The following HOOK2 variants were observed in gnomAD, a reference collection of about 807,000 sequenced individuals.
The protein encoded by HOOK2 is hook microtubule tethering protein 2.
In HOOK2, 108 loss-of-function variants were observed where a neutral mutation model predicts 111.9. The observed-to-expected ratio is 0.96, with a 90% CI of 0.83 to 1.13. The LOEUF (loss-of-function observed/expected upper bound fraction) is 1.13, where lower values mean the gene tolerates loss of function less well. HOOK2 is among the 50% of genes most tolerant of loss of function. HOOK2 has a pLI of 0.00. For synonymous variants in HOOK2, 405 were observed against 394.3 expected (o/e 1.03, Z -0.32); for missense variants, 978 against 951.3 (o/e 1.03, Z -0.37).
At position 12,767,379 on chromosome 19, in the gene HOOK2, A is replaced by G. The variant is rs1244945938; in HGVS notation, c.1373+16T>C. 1.2e-6 allele frequency: 2 copies of G among 1,610,470 alleles called. No homozygotes were observed. Among genetic ancestry groups the G allele is most frequent in the Non-Finnish European group, 1.7e-6 (2 of 1,176,814 alleles). ...AAGCCTGGGTGGGGCCAGAGTTTTGAGTGACCCCAGGATACCTGAGCTCCG... is the reference window on the plus strand; with the variant it reads ...AAGCCTGGGTGGGGCCAGAGTTTTGGGTGACCCCAGGATACCTGAGCTCCG... On this transcript the variant is annotated intron_variant, in intron 14 of 22. Coordinates refer to ENST00000397668, the MANE Select transcript of HOOK2 (RefSeq NM_013312.3).
In HOOK2 at chr19:12,770,006, G is replaced by A; in HGVS notation, c.979C>T (p.Leu327=). 6.5e-7 allele frequency: 1 copy of A among 1,542,576 alleles called. No individual in the cohort carries two copies. Residue 327 remains leucine, a synonymous_variant, in exon 11 of 23, where the codon CTG becomes TTG. Transcript: ENST00000397668. ...CRRRLGELRE[L]RRQVRQLEER... ...TCCAGCTGCCGCACCTGCCGCCGCA[G>A]CTCCCTCAGCTCGCCCAAGCGGCGC...
rs550758472 is a variant in HOOK2, at chr19:12,771,111, C to T, written c.762-39G>A. 6.8e-6 allele frequency: 11 copies of T among 1,611,278 alleles called. No homozygotes were observed. In the East Asian group the frequency reaches 2.2e-4, roughly 33 times the overall value. On this transcript the variant is annotated intron_variant, in intron 9 of 22. Transcript: ENST00000397668. ...GGGAAGAGCACATGAGGGGGCTGCC[C>T]TCCCCCGGTCCCCTGGCTTGCCTGG...
Position 12,771,344 on chromosome 19 carries a change from C to T in HOOK2, c.601-25G>A, listed in dbSNP as rs1032969391. ...GCTGCGGGCAGGGCAGAAAGATGAG[C>T]TTGGGCTTGGAGAGGGGCTACTCAA... On this transcript the variant is annotated intron_variant, in intron 8 of 22. Transcript: ENST00000397668. 2.5e-6 allele frequency: 4 copies of T among 1,606,470 alleles called. No individual in the cohort carries two copies. The Admixed American group carries it at 5.1e-5, about 20-fold the overall frequency.
chr19:12,771,148 G>C lies in HOOK2; in HGVS notation c.761+11C>G. 1 of 1,613,358 alleles carries C rather than the reference G, an allele frequency of 6.2e-7. No homozygotes were observed. Among genetic ancestry groups the C allele is most frequent in the Admixed American group, 1.7e-5 (1 of 59,896 alleles). On this transcript the variant is annotated intron_variant, in intron 9 of 22. Coordinates refer to ENST00000397668, the MANE Select transcript of HOOK2 (RefSeq NM_013312.3). Reference sequence around the variant, plus strand: ...CCTGGCTTGCCTGGCCCAGTCCCCAGCTGACCACACCTGAAGTTCTCCTCC... The same window carrying C: ...CCTGGCTTGCCTGGCCCAGTCCCCACCTGACCACACCTGAAGTTCTCCTCC...
Position 12,765,811 on chromosome 19 carries a change from T to C in HOOK2, c.1605+18A>G, listed in dbSNP as rs779424509. On this transcript the variant is annotated intron_variant, in intron 17 of 22. Transcript: ENST00000397668. The stretch of plus-strand genomic sequence containing the variant: ...AGGGTGAGGGTAGGGGGTGCCATCC[T>C]GGGCCCATGGTACTTACAATGGCCT... 4 of 1,613,488 alleles carry C rather than the reference T, an allele frequency of 2.5e-6. 1 individual carries two copies. In the East Asian group the frequency reaches 6.7e-5, roughly 27 times the overall value.
Position 12,763,580 on chromosome 19 carries a change from C to G in HOOK2, c.1958G>C (p.Arg653Pro). 1 of 1,614,228 alleles carries G rather than the reference C, an allele frequency of 6.2e-7. No homozygotes were observed. Among genetic ancestry groups the G allele is most frequent in the Non-Finnish European group, 8.5e-7 (1 of 1,180,040 alleles). ...CTTTTCTTCCTGCTCCCGCTGACTTCGGCTTTTCTCAAAGTCCATCTGTCA... is the reference window on the plus strand; with the variant it reads ...CTTTTCTTCCTGCTCCCGCTGACTTGGGCTTTTCTCAAAGTCCATCTGTCA... ...RHLEMDFEKS[R>P]SQREQEEKLL... Residue 653 changes from arginine (R) to proline (P), a missense_variant, in exon 22 of 23, where the codon CGA (arginine) becomes CCA (proline). By Grantham distance (103) the Arg-to-Pro change is moderately radical (BLOSUM62 -2). Around this residue, in one of 5 missense-constraint regions of HOOK2, gnomAD observed 277 missense variants for 265.8 expected, o/e 1.04. Coordinates refer to ENST00000397668, the MANE Select transcript of HOOK2 (RefSeq NM_013312.3).
chr19:12,765,944 C>T lies in HOOK2; in HGVS notation c.1582G>A (p.Gly528Arg), dbSNP rs868014151. The change falls in exon 16 of 23, where the codon GGG becomes AGG. Residue 528 changes from glycine to arginine, a missense_variant. By Grantham distance (125) the Gly-to-Arg change is moderately radical. Transcript: ENST00000397668. ...EDLQKALQEQGGKTEDAISIL... is the reference protein window; with the variant it reads ...EDLQKALQEQRGKTEDAISIL... ...ACACTCACATCTTCAGTCTTGCCCC[C>T]CTGCTCCTGCAGGGCTTTCTGCAGG... 6.2e-7 allele frequency: 1 copy of T among 1,614,094 alleles called. No homozygotes were observed. The highest frequency in any genetic ancestry group is 2.2e-5 in the East Asian group (1 of 44,880).
upstream of HOOK2, among the ~76,000 whole-genome samples, chr19:12,781,519 G>T (rs1968601819): frequency 6.6e-6 from 1 of 151,672 alleles, no homozygotes; most frequent in African/African-American, 2.4e-5. Context: ...GTAGAGACGG[G>T]GTTTCAGTGT....
At chr19:12,785,417 C>T (rs1184403212) in intron 3 of HOOK2, among the ~76,000 whole-genome samples, 9 of 151,668 alleles carry the variant, frequency 5.9e-5, no homozygotes, top group Non-Finnish European at 1.0e-4. Flanking sequence ...AGCCACAGAC[C>T]TCTTTTACAC....
chr19:12,775,124 G>T, intron 1 of HOOK2: 1 of 934,486 alleles, frequency 1.1e-6, no homozygotes, highest in Non-Finnish European at 1.3e-6. Context: ...GGGTGGTATC[G>T]CGAGTCACCT....
Position 12,767,876 on chromosome 19 carries a change from G to T in HOOK2, c.1243C>A (p.Arg415=). Residue 415 remains arginine, a synonymous_variant, in exon 13 of 23, where the codon CGG becomes AGG. Coordinates refer to ENST00000397668, the MANE Select transcript of HOOK2 (RefSeq NM_013312.3). ...ERLLAERDSL[R]EANEELRCAQ... ...CAGCGCAGCTCCTCATTGGCCTCCC[G>T]CAAGGAGTCCCGCTCCGCCAACAGC... 4 of 1,608,784 alleles carry T rather than the reference G, an allele frequency of 2.5e-6. No homozygotes were observed. The highest frequency in any genetic ancestry group is 2.5e-6 in the Non-Finnish European group (3 of 1,179,808).
chr19:12,772,262 G>C lies in HOOK2; in HGVS notation c.457-10C>G, dbSNP rs990308906. 2.5e-6 allele frequency: 4 copies of C among 1,613,484 alleles called. No individual in the cohort carries two copies. In the African/African-American group the frequency reaches 4.0e-5, roughly 16 times the overall value. On this transcript the variant is annotated splice_polypyrimidine_tract_variant and intron_variant, in intron 6 of 22. Coordinates refer to ENST00000397668, the MANE Select transcript of HOOK2 (RefSeq NM_013312.3). ...TGTCTTTGGTCATGAGCTGAGGAGTGGGAAGGGGCATTGTAATGAACTGGA... is the reference window on the plus strand; with the variant it reads ...TGTCTTTGGTCATGAGCTGAGGAGTCGGAAGGGGCATTGTAATGAACTGGA...
In HOOK2 at chr19:12,772,686, G is replaced by A. The variant is rs1968371078; in HGVS notation, c.389-6C>T. ...CATGATTCTCTGGATGTGGTCTGGG[G>A]ATCAAGGTGGGGGAGGCTGAGACCC... On this transcript the variant is annotated splice_polypyrimidine_tract_variant and splice_region_variant and intron_variant, in intron 5 of 22. Transcript: ENST00000397668. The A allele has an allele frequency of 1.9e-6, 3 of 1,614,098 alleles. No homozygotes were observed. Among genetic ancestry groups the A allele is most frequent in the Admixed American group, 1.7e-5 (1 of 60,012 alleles).
At position 12,763,598 on chromosome 19, in the gene HOOK2, A is replaced by T. The variant is rs763804090; in HGVS notation, c.1940T>A (p.Met647Lys). The T allele has an allele frequency of 2.5e-6, 4 of 1,614,096 alleles. No homozygotes were observed. The highest frequency in any genetic ancestry group is 3.4e-6 in the Non-Finnish European group (4 of 1,180,044). Residue 647 changes from methionine (M) to lysine (K), a missense_variant and splice_region_variant, in exon 22 of 23, where the codon ATG becomes AAG. Transcript: ENST00000397668. ...ERDVRIRHLE[M>K]DFEKSRSQRE... is the part of the protein sequence containing the mutation. ...CTGACTTCGGCTTTTCTCAAAGTCCATCTGTCAAGGAGGCAAGTGTCAGGG... is the reference window on the plus strand; with the variant it reads ...CTGACTTCGGCTTTTCTCAAAGTCCTTCTGTCAAGGAGGCAAGTGTCAGGG...
intron 7 of HOOK2, 22 bp from the exon 8 acceptor site, chr19:12,771,499 G>A: frequency 6.3e-7 from 1 of 1,595,298 alleles, no homozygotes; most frequent in Non-Finnish European, 8.6e-7. Flanking sequence ...AGGGGGAAGA[G>A]GAACTCAGGG....
chr19:12,792,329 C>T, intron 3 of HOOK2: 1 of 1,528,786 alleles, frequency 6.5e-7, no homozygotes, highest in Non-Finnish European at 8.8e-7. Flanking sequence ...CCAACCTCAG[C>T]AGCTACTCCC....
At chr19:12,770,242 T>C (rs1223916421) in intron 10 of HOOK2, among the ~76,000 whole-genome samples, 160 bp from the exon 11 acceptor site, 1 of 151,944 alleles carries the variant, frequency 6.6e-6, no homozygotes, top group Non-Finnish European at 1.5e-5. Context: ...AATCAGGGCC[T>C]GGAGCTGTTG....
rs757611669 is a variant in HOOK2, at chr19:12,767,902, C to T, written c.1217G>A (p.Arg406Gln). Reference protein sequence around the residue: ...KYESVTKEKERLLAERDSLRE... With the variant: ...KYESVTKEKEQLLAERDSLRE... Reference sequence around the variant, plus strand: ...CAAGGAGTCCCGCTCCGCCAACAGCCGCTGCAGGGACAGGGTACAAGACAC... The same window carrying T: ...CAAGGAGTCCCGCTCCGCCAACAGCTGCTGCAGGGACAGGGTACAAGACAC... Residue 406 changes from arginine (R) to glutamine (Q), a missense_variant and splice_region_variant, in exon 13 of 23, where the codon CGG becomes CAG. By Grantham distance (43) the Arg-to-Gln change is conservative (BLOSUM62 1). This residue lies in a region of HOOK2 where 388 missense variants were observed against 358.3 expected (regional missense o/e 1.08). Transcript: ENST00000397668. 7 of 1,610,668 alleles carry T rather than the reference C, an allele frequency of 4.3e-6. No individual in the cohort carries two copies. The highest frequency in any genetic ancestry group is 2.7e-5 in the African/African-American group (2 of 74,918).
chr19:12,768,219 T>C (rs756543445), intron 11 of HOOK2, 96 bp from the exon 12 acceptor site: 6 of 1,031,952 alleles, frequency 5.8e-6, no homozygotes, highest in Non-Finnish European at 7.2e-6. Context: ...CTTTGACTTA[T>C]TATTTTTTTG....
Sources: gnomAD v4.1 joint callset for allele counts (sites outside exome capture counted in the v4.1 genomes callset) on GRCh38, gnomAD v4.1.1 for gene constraint, gnomAD v4.1.1 regional missense constraint, MANE v1.5 for transcripts, NCBI Gene and HGNC (gene_info 2026-07-23, HGNC 2026-07-21) for gene names.